CLPTM1: variants seen among roughly 807,000 people sequenced by gnomAD.
CLPTM1 encodes the protein putative lipid scramblase CLPTM1.
A neutral mutation model predicts 77.3 loss-of-function variants in CLPTM1; 21 were observed. The ratio of observed to expected loss-of-function variants is 0.27; its 90% CI spans 0.19 to 0.39. CLPTM1 has a LOEUF of 0.39. Ranked by LOEUF, CLPTM1 falls within the 10% of genes least tolerant of loss-of-function variation. The pLI is 1.00. For missense variants in CLPTM1, 642 were observed against 921.2 expected, an observed-to-expected ratio of 0.70 and a Z score of 3.92; for synonymous variants, 373 against 381.0, an observed-to-expected ratio of 0.98 and a Z score of 0.24.
intron 7 of CLPTM1, chr19:44,986,822 A>T (rs746248020): frequency 1.1e-4 from 59 of 543,168 alleles, no homozygotes; most frequent in Non-Finnish European, 1.7e-4. Context: ...CAGCCCACAA[A>T]CTGTTTTCAA....
At chr19:44,959,696 G>T (rs1236103149) in intron 1 of CLPTM1, among the ~76,000 whole-genome samples, 5 of 152,156 alleles carry the variant, frequency 3.3e-5, no homozygotes, top group South Asian at 2.1e-4. Context: ...TTCAGGATGG[G>T]TTTGCTGGAT....
At chr19:44,975,144 G>C (rs1467814871) in intron 4 of CLPTM1, among the ~76,000 whole-genome samples, 1 of 152,170 alleles carries the variant, frequency 6.6e-6, no homozygotes, top group Admixed American at 6.5e-5. Flanking sequence ...CGCAGCCCTA[G>C]GCTCAAATCC....
chr19:44,977,011 G>A (rs931376348), intron 4 of CLPTM1, among the ~76,000 whole-genome samples: 2 of 152,174 alleles, frequency 1.3e-5, no homozygotes, highest in African/African-American at 4.8e-5. Context: ...ACGAGAGCTC[G>A]TTGACTGAGC....
intron 1 of CLPTM1, among the ~76,000 whole-genome samples, chr19:44,956,733 G>T (rs949400765): frequency 2.6e-5 from 4 of 152,086 alleles, no homozygotes; most frequent in Non-Finnish European, 4.4e-5. Context: ...AGAGACCAGG[G>T]CCCAGGTTGT....
At chr19:44,985,031 G>A (rs942315433) in intron 5 of CLPTM1, among the ~76,000 whole-genome samples, 187 bp from the exon 6 acceptor site, 1 of 152,152 alleles carries the variant, frequency 6.6e-6, no homozygotes, top group African/African-American at 2.4e-5. Flanking sequence ...ATGATCATGA[G>A]GAACTGGGAT....
intron 1 of CLPTM1, 145 bp downstream of exon 1, chr19:44,955,612 G>A: frequency 1.3e-6 from 1 of 769,542 alleles, no homozygotes; most frequent in Non-Finnish European, 1.8e-6. Context: ...AGGCAGGGCC[G>A]GACCGCCCGG....
At chr19:44,973,731 AAGG>A (rs1292006731) in intron 3 of CLPTM1, among the ~76,000 whole-genome samples, 2 of 149,168 alleles carry the variant, frequency 1.3e-5, no homozygotes, top group African/African-American at 2.5e-5. Flanking sequence ...GGGCTTGAGA[AAGG>A]AGGAAGTTCT....
At chr19:44,985,431 C>T in intron 6 of CLPTM1, 128 bp downstream of exon 6, 1 of 653,358 alleles carries the variant, frequency 1.5e-6, no homozygotes, top group Non-Finnish European at 2.8e-6. Flanking sequence ...TGCCACCTCC[C>T]CTCCCTGAGC....
intron 5 of CLPTM1, among the ~76,000 whole-genome samples, chr19:44,982,328 G>A (rs553257143): frequency 1.3e-5 from 2 of 150,032 alleles, no homozygotes; most frequent in African/African-American, 2.5e-5. Context: ...TAGTCTGGGC[G>A]ACAGAGCGAG....
intron 2 of CLPTM1, among the ~76,000 whole-genome samples, chr19:44,972,462 G>T (rs575575356): frequency 6.6e-6 from 1 of 151,968 alleles, no homozygotes; most frequent in East Asian, 2.0e-4. Context: ...TGTTAGCCAG[G>T]ATGGTCTCAA....
rs1294097116 is a variant in CLPTM1 at position 44,992,860 on chromosome 19, C to T, written c.1973C>T (p.Ala658Val). 1 of 1,613,840 alleles carries T rather than the reference C, an allele frequency of 6.2e-7. No individual in the cohort carries two copies. Among genetic ancestry groups the T allele is most frequent in the African/African-American group, 1.3e-5 (1 of 75,022 alleles). ...AGCTCTGCCAGCGAGCCCCAGGAAG[C>T]CCCTCCAAAGCCAGCAGAGGACAAG... ...GASSASEPQE[A>V]PPKPAEDKKK... The change falls in exon 14 of 14, where the codon GCC (alanine) becomes GTC (valine). Residue 658 changes from alanine to valine, a missense_variant. Physicochemically the swap from Ala to Val is moderately conservative, Grantham distance 64 (BLOSUM62 0). This residue lies in a region of CLPTM1 where 521 missense variants were observed against 800.4 expected (regional missense o/e 0.65). Transcript: ENST00000337392. This position sits in a 1 kb window ranked among gnomAD's most constrained non-coding sequence, Gnocchi z 7.7.
intron 5 of CLPTM1, among the ~76,000 whole-genome samples, chr19:44,982,386 A>G (rs969965632): frequency 6.6e-6 from 1 of 151,448 alleles, no homozygotes; most frequent in African/African-American, 2.4e-5. Flanking sequence ...TTTATATCAT[A>G]GCACTTCTTG....
chr19:44,964,450 A>G (rs572235602), intron 2 of CLPTM1, among the ~76,000 whole-genome samples: 3 of 151,646 alleles, frequency 2.0e-5, no homozygotes, highest in South Asian at 2.1e-4. Flanking sequence ...AGCTGGGACT[A>G]CAGGCACCTG....
intron 2 of CLPTM1, among the ~76,000 whole-genome samples, chr19:44,966,985 G>A (rs958419812): frequency 6.6e-6 from 1 of 152,054 alleles, no homozygotes; most frequent in Non-Finnish European, 1.5e-5. Flanking sequence ...GGGACTACAG[G>A]CGCCCGCCAC....
intron 2 of CLPTM1, among the ~76,000 whole-genome samples, chr19:44,968,999 C>T (rs535020399): frequency 2.4e-4 from 37 of 152,232 alleles, no homozygotes; most frequent in Admixed American, 2.3e-3. Context: ...TGATCCTGCC[C>T]CTGATCAGGG....
chr19:44,989,284 G>A (rs982784684), intron 9 of CLPTM1, among the ~76,000 whole-genome samples: 1 of 152,218 alleles, frequency 6.6e-6, no homozygotes, highest in South Asian at 2.1e-4. Flanking sequence ...GCTGGGAGAC[G>A]GGACCCTTCT....
intron 5 of CLPTM1, among the ~76,000 whole-genome samples, chr19:44,983,616 TCAAAAAAAA>T (rs1289396205): frequency 4.0e-5 from 1 of 25,104 alleles, no homozygotes; most frequent in African/African-American, 1.8e-4. Context: ...AGACTCTGTC[TCAAAAAAAA>T]AAAAAAAAAA....
In CLPTM1 at chr19:44,992,379, C is replaced by T. The variant is rs1971088874; in HGVS notation, c.1702C>T (p.Arg568Trp). The change falls in exon 13 of 14, where the codon CGG becomes TGG. Residue 568 changes from arginine to tryptophan, a missense_variant. Physicochemically the swap from Arg to Trp is moderately radical, Grantham distance 101. Coordinates refer to ENST00000337392, the MANE Select transcript of CLPTM1 (RefSeq NM_001294.4). The surrounding 1 kb of genome is among the most constrained non-coding windows in gnomAD (Gnocchi z 7.7). ...AFVIKMPVMY[R>W]IGCLRDDVVF... is the part of the protein sequence containing the mutation. ...TGTCATCAAGATGCCCGTTATGTAC[C>T]GGATCGGCTGCCTGCGGGACGGTGA... 6 of 1,614,116 alleles carry T rather than the reference C, an allele frequency of 3.7e-6. No individual in the cohort carries two copies. The highest frequency in any genetic ancestry group is 1.1e-5 in the South Asian group (1 of 91,072).
chr19:44,958,889 A>G (rs941588391), intron 1 of CLPTM1, among the ~76,000 whole-genome samples: 2 of 152,224 alleles, frequency 1.3e-5, no homozygotes, highest in Non-Finnish European at 2.9e-5. Context: ...AATGTCTTAA[A>G]CAAGGATCTA....
Sources: allele counts gnomAD v4.1 joint callset (sites outside exome capture counted in the v4.1 genomes callset), GRCh38; gene constraint gnomAD v4.1.1; regional missense constraint gnomAD v4.1.1; non-coding constraint Gnocchi (gnomAD v3.1); transcripts MANE v1.5; gene names NCBI Gene and HGNC (gene_info 2026-07-23, HGNC 2026-07-21).